SLC4A2: variants seen among roughly 807,000 people sequenced by gnomAD.
SLC4A2 encodes anion exchange protein 2.
SLC4A2 carries 36 observed loss-of-function variants against 115.0 expected under a neutral mutation model. The observed-to-expected ratio is 0.31, with a 90% CI of 0.24 to 0.41. SLC4A2 has a LOEUF of 0.41. SLC4A2 is among the 10% of genes least tolerant of loss of function. The probability of loss-of-function intolerance (pLI) is 1.00; values close to 1 mark genes in which losing one functional copy is unlikely to be tolerated. For synonymous variants in SLC4A2, 708 were observed against 708.3 expected, an observed-to-expected ratio of 1.00 and a Z score of 0.01; for missense variants, 1,252 against 1,705.6, an observed-to-expected ratio of 0.73 and a Z score of 4.68.
In SLC4A2 at chr7:151,068,048, G is replaced by A; in HGVS notation, c.1141G>A (p.Ala381Thr). Residue 381 changes from alanine (A) to threonine (T), a missense_variant, in exon 8 of 23, where the codon GCC (alanine) becomes ACC (threonine). Coordinates refer to ENST00000413384, the MANE Select transcript of SLC4A2 (RefSeq NM_003040.4). ...TCTCCTGGAGCTCCGCAGGACCCTG[G>A]CCCATGGTAACCCCGCTCCCCTCCA... ...RSLLELRRTL[A>T]HGAVLLDLDQ... is the part of the protein sequence containing the mutation. 3.3e-6 allele frequency: 5 copies of A among 1,510,526 alleles called. No individual in the cohort carries two copies. Among genetic ancestry groups the A allele is most frequent in the South Asian group, 1.3e-5 (1 of 76,366 alleles). 93.6% of individuals were successfully genotyped at this position (1,510,526 alleles called of 1,614,324 possible).
chr7:151,058,238 CG>C (rs571479601), upstream of SLC4A2: 36 of 298,122 alleles, frequency 1.2e-4, no homozygotes, highest in South Asian at 1.8e-3. Flanking sequence ...AGGGCCGCTC[CG>C]GGACTACGCG....
intron 2 of SLC4A2, chr7:151,062,959 T>C: frequency 1.4e-6 from 2 of 1,407,428 alleles, no homozygotes; most frequent in Middle Eastern, 2.6e-4. Flanking sequence ...GGCACCGCTA[T>C]GGAGGGGGCT....
At chr7:151,067,354 A>G (rs12534793) in intron 7 of SLC4A2, among the ~76,000 whole-genome samples, 133,670 of 152,264 alleles carry the variant, frequency 0.88, 58,814 homozygotes, top group East Asian at 0.94. Flanking sequence ...CCAAAGTGCT[A>G]GGATTACAGG....
chr7:151,071,681 A>G lies in SLC4A2; in HGVS notation c.2192-8A>G, dbSNP rs1797445640. 2 of 1,610,182 alleles carry G rather than the reference A, an allele frequency of 1.2e-6. No individual in the cohort carries two copies. Among genetic ancestry groups the G allele is most frequent in the Non-Finnish European group, 1.7e-6 (2 of 1,177,928 alleles). Reference sequence around the variant, plus strand: ...CACCAGCTCCTGAGCTGGTTCCTACACCCCTAGGAGAGAAGACGCAGGACC... The same window carrying G: ...CACCAGCTCCTGAGCTGGTTCCTACGCCCCTAGGAGAGAAGACGCAGGACC... On this transcript the variant is annotated splice_polypyrimidine_tract_variant and splice_region_variant and intron_variant, in intron 14 of 22. Transcript: ENST00000413384. The surrounding 1 kb of genome is among the most constrained non-coding windows in gnomAD (Gnocchi z 5.5).
chr7:151,067,022 T>C, intron 7 of SLC4A2, 29 bp downstream of exon 7: 1 of 1,555,200 alleles, frequency 6.4e-7, no homozygotes, highest in African/African-American at 1.4e-5. Context: ...TGCTCTTCCA[T>C]CAACTTCCCA....
At position 151,076,109 on chromosome 7, in the gene SLC4A2, C is replaced by T. The variant is rs1797625359; in HGVS notation, c.3568C>T (p.Pro1190Ser). The T allele has an allele frequency of 3.1e-6, 5 of 1,610,926 alleles. No individual in the cohort carries two copies. Among genetic ancestry groups the T allele is most frequent in the African/African-American group, 1.3e-5 (1 of 74,926 alleles). ...VMSTAASLAF[P>S]FILILTVPLR... ...GTCCACAGCTGCCTCCCTGGCCTTC[C>T]CCTTCATCCTCATCCTCACAGTGCC... Residue 1190 changes from proline to serine, a missense_variant, in exon 22 of 23, where the codon CCC becomes TCC. Pro to Ser is a moderately conservative substitution (Grantham distance 74). This residue lies in a region of SLC4A2 where 253 missense variants were observed against 407.4 expected (regional missense o/e 0.62). Transcript: ENST00000413384.
chr7:151,068,309 A>G (rs975547688), intron 8 of SLC4A2, among the ~76,000 whole-genome samples: 1 of 152,208 alleles, frequency 6.6e-6, no homozygotes, highest in African/African-American at 2.4e-5. Flanking sequence ...AATTCCTGGC[A>G]TGCCTTGGTA....
Position 151,067,862 on chromosome 7 carries a change from T to C in SLC4A2, c.967-12T>C, listed in dbSNP as rs1797290135. On this transcript the variant is annotated splice_polypyrimidine_tract_variant and intron_variant, in intron 7 of 22. Transcript: ENST00000413384. ...CTCTGTACCCTGAAATGCCTTCTCT[T>C]CTCTCCCCAAGGTGTTTGTGGAGCT... is the stretch of plus-strand genomic sequence containing the variant. 6.2e-7 allele frequency: 1 copy of C among 1,611,454 alleles called. No individual in the cohort carries two copies. The highest frequency in any genetic ancestry group is 1.1e-5 in the South Asian group (1 of 90,666).
chr7:151,062,722 G>C, intron 2 of SLC4A2: 1 of 1,412,098 alleles, frequency 7.1e-7, no homozygotes, highest in South Asian at 1.5e-5. Flanking sequence ...GCCTCTCCCC[G>C]TCCCCTCGTC....
At position 151,074,422 on chromosome 7, in the gene SLC4A2, T is replaced by C; in HGVS notation, c.2814T>C (p.Phe938=). 1 of 1,613,976 alleles carries C rather than the reference T, an allele frequency of 6.2e-7. No individual in the cohort carries two copies. Among genetic ancestry groups the C allele is most frequent in the Non-Finnish European group, 8.5e-7 (1 of 1,180,012 alleles). ...AGATCCGGCGGGTGATTGGGGACTT[T>C]GGGGTGCCCATCGCCATCCTCATCA... The part of the protein sequence containing the change: ...PGRIRRVIGD[F]GVPIAILIMV... Residue 938 remains phenylalanine, a synonymous_variant, in exon 18 of 23, where the codon TTT becomes TTC. Coordinates refer to ENST00000413384, the MANE Select transcript of SLC4A2 (RefSeq NM_003040.4).
intron 2 of SLC4A2, chr7:151,063,193 G>T: frequency 6.9e-7 from 1 of 1,441,500 alleles, no homozygotes. Flanking sequence ...GACTCAGGTG[G>T]GGGCTGTGGG....
At position 151,071,721 on chromosome 7, in the gene SLC4A2, G is replaced by C. The variant is rs769757868; in HGVS notation, c.2224G>C (p.Glu742Gln). The C allele has an allele frequency of 6.2e-7, 1 of 1,611,220 alleles. No homozygotes were observed. The highest frequency in any genetic ancestry group is 8.5e-7 in the Non-Finnish European group (1 of 1,178,486). The change falls in exon 15 of 23, where the codon GAG (glutamate) becomes CAG (glutamine). Residue 742 changes from glutamate to glutamine, a missense_variant. This residue lies in a region of SLC4A2 where 118 missense variants were observed against 203.3 expected (regional missense o/e 0.58). Coordinates refer to ENST00000413384, the MANE Select transcript of SLC4A2 (RefSeq NM_003040.4). This position sits in a 1 kb window ranked among gnomAD's most constrained non-coding sequence, Gnocchi z 5.5. ...GACGCAGGACCTGATAGGGGTGTCG[G>C]AGCTGATTATGTCCACAGCGCTCCA... ...EKTQDLIGVS[E>Q]LIMSTALQGV... is the part of the protein sequence containing the mutation.
Position 151,071,195 on chromosome 7 carries a change from T to C in SLC4A2, c.1873T>C (p.Ser625Pro). The change falls in exon 13 of 23, where the codon TCT (serine) becomes CCT (proline). Residue 625 changes from serine (S) to proline (P), a missense_variant. By Grantham distance (74) the Ser-to-Pro change is moderately conservative. Around this residue, in one of 14 missense-constraint regions of SLC4A2, gnomAD observed 122 missense variants for 116.8 expected, o/e 1.04. Transcript: ENST00000413384. The surrounding 1 kb of genome is among the most constrained non-coding windows in gnomAD (Gnocchi z 5.5). ...AGTGCAGGGCGAGGAGCTGCTGCGC[T>C]CTGTGGCCCACTTCCAGCGCCAGAT... is the stretch of plus-strand genomic sequence containing the variant. ...SEVQGEELLRSVAHFQRQMLK... is the reference protein window; with the variant it reads ...SEVQGEELLRPVAHFQRQMLK... The C allele has an allele frequency of 6.2e-7, 1 of 1,606,978 alleles. No homozygotes were observed. The highest frequency in any genetic ancestry group is 8.5e-7 in the Non-Finnish European group (1 of 1,177,230).
chr7:151,074,175 A>G lies in SLC4A2; in HGVS notation c.2672A>G (p.Gln891Arg). Residue 891 changes from glutamine (Q) to arginine (R), a missense_variant, in exon 17 of 23, where the codon CAG becomes CGG. Gln to Arg is a conservative substitution (Grantham distance 43). This residue lies in a region of SLC4A2 where 55 missense variants were observed against 48.6 expected (regional missense o/e 1.13). Transcript: ENST00000413384. ...AGGAGCTTGGCTGGGCAGTCTGGGC[A>G]GGGGAAGCCCCGGGGCCAGCCCAAC... ...GNRSLAGQSG[Q>R]GKPRGQPNTA... The G allele has an allele frequency of 6.2e-7, 1 of 1,612,692 alleles. No homozygotes were observed. The highest frequency in any genetic ancestry group is 1.7e-4 in the Middle Eastern group (1 of 5,866).
chr7:151,075,840 T>G, intron 21 of SLC4A2, 65 bp downstream of exon 21: 1 of 1,525,150 alleles, frequency 6.6e-7, no homozygotes, highest in South Asian at 1.2e-5. Flanking sequence ...CTTGGGTCAC[T>G]CTCCAGCTGC....
chr7:151,071,993 T>G lies in SLC4A2; in HGVS notation c.2392T>G (p.Phe798Val). 6.2e-7 allele frequency: 1 copy of G among 1,613,476 alleles called. No homozygotes were observed. Among genetic ancestry groups the G allele is most frequent in the Non-Finnish European group, 8.5e-7 (1 of 1,179,774 alleles). ...CCTGGTGGGCCGTGTGTGGATCGGC[T>G]TCTGGCTGGTGTTCCTGGCCCTGCT... Reference protein sequence around the residue: ...EYLVGRVWIGFWLVFLALLMV... With the variant: ...EYLVGRVWIGVWLVFLALLMV... The change falls in exon 16 of 23, where the codon TTC becomes GTC. Residue 798 changes from phenylalanine to valine, a missense_variant. Transcript: ENST00000413384. This position sits in a 1 kb window ranked among gnomAD's most constrained non-coding sequence, Gnocchi z 5.5.
In SLC4A2 at chr7:151,070,481, C is replaced by T. The variant is rs776217848; in HGVS notation, c.1474C>T (p.Pro492Ser). Residue 492 changes from proline to serine, a missense_variant, in exon 11 of 23, where the codon CCA (proline) becomes TCA (serine). By Grantham distance (74) the Pro-to-Ser change is moderately conservative. Transcript: ENST00000413384. The part of the protein sequence containing the change: ...RERELPPPAP[P>S]AGITRSKSKH... ...GCGTGAGCTGCCGCCTCCAGCACCACCAGCTGGCATCACCCGCTCCAAGTC... is the reference window on the plus strand; with the variant it reads ...GCGTGAGCTGCCGCCTCCAGCACCATCAGCTGGCATCACCCGCTCCAAGTC... The T allele has an allele frequency of 1.9e-6, 3 of 1,613,360 alleles. No individual in the cohort carries two copies. The highest frequency in any genetic ancestry group is 1.7e-5 in the Admixed American group (1 of 59,962).
At chr7:151,062,806 C>G in intron 2 of SLC4A2, 1 of 1,369,196 alleles carries the variant, frequency 7.3e-7, no homozygotes, top group Non-Finnish European at 9.4e-7. Context: ...GCCTTCCTCA[C>G]AGAGGGGAGA....
intron 5 of SLC4A2, among the ~76,000 whole-genome samples, chr7:151,065,681 G>A (rs760794427): frequency 2.6e-5 from 4 of 152,348 alleles, no homozygotes; most frequent in Middle Eastern, 3.4e-3. Flanking sequence ...TGCTGGGACC[G>A]TGGCACAGAT....
Sources: allele counts gnomAD v4.1 joint callset (sites outside exome capture counted in the v4.1 genomes callset), GRCh38; gene constraint gnomAD v4.1.1; regional missense constraint gnomAD v4.1.1; non-coding constraint Gnocchi (gnomAD v3.1); transcripts MANE v1.5; gene names NCBI Gene and HGNC (gene_info 2026-07-23, HGNC 2026-07-21).